ARNT2: variants seen among roughly 807,000 people sequenced by gnomAD.
ARNT2 encodes the protein aryl hydrocarbon receptor nuclear translocator 2.
A neutral mutation model predicts 91.7 loss-of-function variants in ARNT2; 36 were observed. That is an observed-to-expected ratio of 0.39 (90% CI 0.30 to 0.52). The LOEUF (loss-of-function observed/expected upper bound fraction) is 0.52. ARNT2 is among the 20% of genes least tolerant of loss of function. ARNT2 has a pLI of 0.72. For missense variants in ARNT2, 775 were observed against 939.3 expected (o/e 0.83, Z 2.29); for synonymous variants, 365 against 347.1 (o/e 1.05, Z -0.57).
In ARNT2 at chr15:80,597,423, C is replaced by A; in HGVS notation, c.*3725C>A. 2.7e-6 allele frequency: 1 copy of A among 373,832 alleles called. No homozygotes were observed. The highest frequency in any genetic ancestry group is 2.0e-5 in the South Asian group (1 of 50,518). 23.2% of individuals were successfully genotyped at this position (373,832 alleles called of 1,614,324 possible). Reference sequence around the variant, plus strand: ...TCGCTGTCTCCTAACCTGCCGGGGTCATTCCCCACCAAACACCCCATACTA... The same window carrying A: ...TCGCTGTCTCCTAACCTGCCGGGGTAATTCCCCACCAAACACCCCATACTA... On this transcript the variant is annotated 3_prime_UTR_variant, in exon 19 of 19. Transcript: ENST00000303329.
In ARNT2 at chr15:80,558,332, GCT is replaced by G. The variant is rs1898239708; in HGVS notation, c.1164+3194_1164+3195del. ...TGTGGGCAGACTTCATTACGTCTGT[GCT>G]TTTTTTTTTTTTTTTTTTTTGAGAC... On this transcript the variant is annotated intron_variant, in intron 11 of 18. Coordinates refer to ENST00000303329, the MANE Select transcript of ARNT2 (RefSeq NM_014862.4). 2.2e-5 allele frequency among the ~76,000 whole-genome samples: 3 copies of G among 133,556 alleles called. No individual in the cohort carries two copies. The South Asian group carries it at 6.9e-4, about 31-fold the overall frequency. The allele number at this position is 133,556 out of a possible 152,430, so 87.6% of individuals were successfully genotyped here.
At chr15:80,582,584 C>T (rs576020562) in intron 17 of ARNT2, among the ~76,000 whole-genome samples, 2 of 152,152 alleles carry the variant, frequency 1.3e-5, no homozygotes, top group Non-Finnish European at 2.9e-5. Flanking sequence ...CCACCTCCTC[C>T]ACTAACAGCA....
chr15:80,514,052 A>T, intron 7 of ARNT2, 76 bp downstream of exon 7: 1 of 1,408,556 alleles, frequency 7.1e-7, no homozygotes, highest in South Asian at 1.2e-5. Flanking sequence ...AGCAGCCTAG[A>T]TTAAAGAAGG....
intron 3 of ARNT2, among the ~76,000 whole-genome samples, chr15:80,466,727 A>G (rs1156278492): frequency 6.6e-6 from 1 of 152,238 alleles, no homozygotes; most frequent in Non-Finnish European, 1.5e-5. Context: ...CACTTATCAA[A>G]TCTTGTTGCT....
intron 3 of ARNT2, among the ~76,000 whole-genome samples, chr15:80,463,739 C>T (rs57493532): frequency 0.04 from 6,013 of 152,014 alleles, 302 homozygotes; most frequent in African/African-American, 0.12. Context: ...CCACCGCGCC[C>T]GGCTAATTTT....
In ARNT2 at chr15:80,595,408, G is replaced by C. The variant is rs1391468181; in HGVS notation, c.*1710G>C. 1 of 152,236 alleles carries C rather than the reference G, an allele frequency of 6.6e-6. No individual in the cohort carries two copies. The highest frequency in any genetic ancestry group is 1.5e-5 in the Non-Finnish European group (1 of 68,068). The allele number at this position is 152,236 out of a possible 1,614,324, so 9.4% of individuals were successfully genotyped here. Reference sequence around the variant, plus strand: ...CTGCAGGACCTAGAAGAGTGGCATTGGTTCTAGGAACCTGAGAGTGGAGTG... The same window carrying C: ...CTGCAGGACCTAGAAGAGTGGCATTCGTTCTAGGAACCTGAGAGTGGAGTG... On this transcript the variant is annotated 3_prime_UTR_variant, in exon 19 of 19. Transcript: ENST00000303329.
chr15:80,425,488 GAATGTTCAACCCAGAGGTT>G (rs1441561685), intron 1 of ARNT2, among the ~76,000 whole-genome samples: 1 of 152,162 alleles, frequency 6.6e-6, no homozygotes, highest in Non-Finnish European at 1.5e-5. Flanking sequence ...TTAGCAGACT[GAATGTTCAACCCAGAGGTT>G]AAAGATAGAA....
At chr15:80,409,283 C>G (rs2141551772) in intron 1 of ARNT2, among the ~76,000 whole-genome samples, 1 of 152,318 alleles carries the variant, frequency 6.6e-6, no homozygotes, top group Admixed American at 6.5e-5. Flanking sequence ...TTACTGTCTC[C>G]ATAGTTTTGC....
chr15:80,571,707 A>G (rs1898586548), intron 12 of ARNT2, among the ~76,000 whole-genome samples: 1 of 152,142 alleles, frequency 6.6e-6, no homozygotes, highest in Non-Finnish European at 1.5e-5. Context: ...GGCCCTAGGG[A>G]TGGTCATGGC....
chr15:80,412,648 C>T (rs1340740250), intron 1 of ARNT2, among the ~76,000 whole-genome samples: 2 of 152,138 alleles, frequency 1.3e-5, no homozygotes, highest in Non-Finnish European at 2.9e-5. Flanking sequence ...TGTCATAATT[C>T]ATTAACTCAC....
intron 11 of ARNT2, among the ~76,000 whole-genome samples, chr15:80,557,764 TC>T: frequency 6.6e-6 from 1 of 152,238 alleles, no homozygotes; most frequent in Non-Finnish European, 1.5e-5. Flanking sequence ...CTCTCTTTCT[TC>T]TTTCCTACCC....
At chr15:80,555,227 C>T (rs1898158693) in intron 11 of ARNT2, 88 bp downstream of exon 11, 1 of 1,432,658 alleles carries the variant, frequency 7.0e-7, no homozygotes, top group African/African-American at 1.4e-5. Flanking sequence ...TACTATGTGC[C>T]AGGCAGGCTG....
At chr15:80,529,194 T>A (rs1897696180) in intron 8 of ARNT2, among the ~76,000 whole-genome samples, 1 of 152,264 alleles carries the variant, frequency 6.6e-6, no homozygotes, top group Non-Finnish European at 1.5e-5. Flanking sequence ...TCTTGGTCCC[T>A]CCACCTGTTC....
At chr15:80,472,033 T>C (rs1295943586) in intron 4 of ARNT2, among the ~76,000 whole-genome samples, 1 of 152,188 alleles carries the variant, frequency 6.6e-6, no homozygotes, top group East Asian at 1.9e-4. Flanking sequence ...AGCTTTTTGC[T>C]TTCCTGTCTC....
chr15:80,416,306 G>GTCTC (rs943652525), intron 1 of ARNT2, among the ~76,000 whole-genome samples: 1 of 147,386 alleles, frequency 6.8e-6, no homozygotes, highest in Admixed American at 6.8e-5. Context: ...TTTTTTCTCT[G>GTCTC]TCTCTCTCTC....
At chr15:80,557,042 C>T (rs575343468) in intron 11 of ARNT2, 2 of 152,332 alleles carry the variant, frequency 1.3e-5, no homozygotes, top group African/African-American at 2.4e-5. Flanking sequence ...ATGTGCTTGA[C>T]ATTCTGCCTT....
intron 5 of ARNT2, among the ~76,000 whole-genome samples, chr15:80,507,255 G>GT (rs1391537973): frequency 2.0e-5 from 3 of 152,132 alleles, no homozygotes; most frequent in African/African-American, 7.2e-5. Flanking sequence ...CCAGAACCCC[G>GT]TGGGGGGTGG....
rs536271302 is a variant in ARNT2, at chr15:80,417,034, C to G, written c.31+12488C>G. 1.2e-3 allele frequency among the ~76,000 whole-genome samples: 176 copies of G among 152,264 alleles called. 2 individuals carry two copies. The highest frequency in any genetic ancestry group is 3.9e-3 in the South Asian group (19 of 4,830). ...TTTTAAAAAAAAATTGTAACATTAACACTTTCCTAAACTAAGTATCAATTT... is the reference window on the plus strand; with the variant it reads ...TTTTAAAAAAAAATTGTAACATTAAGACTTTCCTAAACTAAGTATCAATTT... On this transcript the variant is annotated intron_variant, in intron 1 of 18. Transcript: ENST00000303329.
rs140722529 is a variant in ARNT2 at position 80,574,992 on chromosome 15, C to T, written c.1395C>T (p.Pro465=). 8.1e-5 allele frequency: 131 copies of T among 1,613,980 alleles called. No homozygotes were observed. In the African/African-American group the frequency reaches 1.3e-3, roughly 16 times the overall value. The change falls in exon 14 of 19, where the codon CCC becomes CCT. Residue 465 remains proline, a synonymous_variant. Transcript: ENST00000303329. ...TTTATTTAATGTGCAAATAGGTCCC[C>T]GTCCCCAACCTACCAGCCGGTGTTC... ...GLSSYDLSQV[P]VPNLPAGVHE... is the part of the protein sequence containing the mutation.
Sources: allele counts gnomAD v4.1 joint callset (sites outside exome capture counted in the v4.1 genomes callset), GRCh38; gene constraint gnomAD v4.1.1; transcripts MANE v1.5; gene names NCBI Gene and HGNC (gene_info 2026-07-23, HGNC 2026-07-21).